The following C20orf202 variants were observed in gnomAD, a reference collection of about 807,000 sequenced individuals.
The protein encoded by C20orf202 is uncharacterized protein C20orf202.
In C20orf202, 5 loss-of-function variants were observed where a neutral mutation model predicts 5.3. The observed-to-expected ratio is 0.94, with a 90% CI of 0.49 to 1.98. The LOEUF (loss-of-function observed/expected upper bound fraction) is 1.98. Among genes scored for constraint, C20orf202 ranks in the 30% most tolerant of loss-of-function variants. C20orf202 has a pLI of 0.01. For missense variants in C20orf202, 135 were observed against 123.5 expected, an observed-to-expected ratio of 1.09 and a Z score of -0.44; for synonymous variants, 48 against 50.0, an observed-to-expected ratio of 0.96 and a Z score of 0.16.
chr20:1,203,497 A>G lies in C20orf202; in HGVS notation c.-89A>G. On this transcript the variant is annotated 5_prime_UTR_variant, in exon 1 of 2. Transcript: ENST00000400633. ...AGTGATTTGGCCAGAACCTGCTGCC[A>G]GTCTGAAAGAGTTGGGGGAATGTAC... is the stretch of plus-strand genomic sequence containing the variant. 6.5e-7 allele frequency: 1 copy of G among 1,528,374 alleles called. No homozygotes were observed. The highest frequency in any genetic ancestry group is 8.8e-7 in the Non-Finnish European group (1 of 1,135,506). The allele number at this position is 1,528,374 out of a possible 1,614,324, so 94.7% of individuals were successfully genotyped here.
chr20:1,203,556 A>C lies in C20orf202; in HGVS notation c.-30A>C. 1.3e-6 allele frequency: 2 copies of C among 1,551,462 alleles called. No homozygotes were observed. Among genetic ancestry groups the C allele is most frequent in the Non-Finnish European group, 1.7e-6 (2 of 1,146,866 alleles). ...GATCCCTCGGGCCCAGAACCAGGTC[A>C]GTGTCAAGGTCACTCCTAAGAACAC... On this transcript the variant is annotated 5_prime_UTR_variant, in exon 1 of 2. Coordinates refer to ENST00000400633, the MANE Select transcript of C20orf202 (RefSeq NM_001394958.1).
rs1429506812 is a variant in C20orf202 at position 1,208,404 on chromosome 20, AG to A, written c.*1303del. 6.6e-6 allele frequency: 1 copy of A among 152,318 alleles called. No individual in the cohort carries two copies. Among genetic ancestry groups the A allele is most frequent in the East Asian group, 1.9e-4 (1 of 5,184 alleles). 9.4% of individuals were successfully genotyped at this position (152,318 alleles called of 1,614,324 possible). A position where few individuals can be genotyped will look rare whatever the true frequency, so the allele number is the denominator to read the frequency against. On this transcript the variant is annotated 3_prime_UTR_variant, in exon 2 of 2. Coordinates refer to ENST00000400633, the MANE Select transcript of C20orf202 (RefSeq NM_001394958.1). ...GGCAGAGTGGAGGGGGTGCATTATA[AG>A]TATAATGTTTGTAGTCAGATCAACC... is the stretch of plus-strand genomic sequence containing the variant.
chr20:1,205,569 A>G (rs2087128099), intron 1 of C20orf202, among the ~76,000 whole-genome samples: 1 of 152,202 alleles, frequency 6.6e-6, no homozygotes, highest in Admixed American at 6.5e-5. Flanking sequence ...GCAAAGAGAG[A>G]CAGAGAAAGA....
chr20:1,203,505 A>G lies in C20orf202; in HGVS notation c.-81A>G. On this transcript the variant is annotated 5_prime_UTR_variant, in exon 1 of 2. Coordinates refer to ENST00000400633, the MANE Select transcript of C20orf202 (RefSeq NM_001394958.1). ...GGCCAGAACCTGCTGCCAGTCTGAAAGAGTTGGGGGAATGTACAAGTCAAA... is the reference window on the plus strand; with the variant it reads ...GGCCAGAACCTGCTGCCAGTCTGAAGGAGTTGGGGGAATGTACAAGTCAAA... The G allele has an allele frequency of 6.5e-7, 1 of 1,535,910 alleles. No homozygotes were observed. The highest frequency in any genetic ancestry group is 8.8e-7 in the Non-Finnish European group (1 of 1,139,576).
At chr20:1,204,011 T>C (rs1460967322) in intron 1 of C20orf202, among the ~76,000 whole-genome samples, 2 of 152,128 alleles carry the variant, frequency 1.3e-5, no homozygotes, top group African/African-American at 4.8e-5. Context: ...ATATGGGGTA[T>C]TGTAAGGATT....
At position 1,208,992 on chromosome 20, in the gene C20orf202, AG is replaced by A. The variant is rs2087144410; in HGVS notation, c.*1891del. 6.6e-6 allele frequency among the ~76,000 whole-genome samples: 1 copy of A among 152,100 alleles called. No homozygotes were observed. Among genetic ancestry groups the A allele is most frequent in the African/African-American group, 2.4e-5 (1 of 41,402 alleles). On this transcript the variant is annotated 3_prime_UTR_variant, in exon 2 of 2. Transcript: ENST00000400633. The stretch of plus-strand genomic sequence containing the variant: ...ATGCTTGCTGCAATTCCTACCTTAA[AG>A]TTCTTTTTATAACCTTTCAGTCACC...
chr20:1,206,244 C>T (rs948454592), intron 1 of C20orf202, among the ~76,000 whole-genome samples: 7 of 152,064 alleles, frequency 4.6e-5, no homozygotes, highest in Admixed American at 3.9e-4. Context: ...CACCAAAAAG[C>T]TTTTGTTTAC....
intron 1 of C20orf202, among the ~76,000 whole-genome samples, chr20:1,204,824 C>G (rs935430005): frequency 6.6e-6 from 1 of 152,234 alleles, no homozygotes; most frequent in Non-Finnish European, 1.5e-5. Context: ...CAGCTTCCCA[C>G]AGTCAGCAGG....
chr20:1,206,626 G>A (rs1200646805), intron 1 of C20orf202, among the ~76,000 whole-genome samples: 1 of 152,202 alleles, frequency 6.6e-6, no homozygotes, highest in Non-Finnish European at 1.5e-5. Context: ...TTTTGACCTC[G>A]CTGACCCCTT....
chr20:1,204,240 A>G (rs2087122445), intron 1 of C20orf202, among the ~76,000 whole-genome samples: 1 of 152,126 alleles, frequency 6.6e-6, no homozygotes, highest in Non-Finnish European at 1.5e-5. Context: ...GCAGAGGCCA[A>G]TGCTATGCCA....
At position 1,203,518 on chromosome 20, in the gene C20orf202, T is replaced by C. The variant is rs767458139; in HGVS notation, c.-68T>C. ...TGCCAGTCTGAAAGAGTTGGGGGAA[T>C]GTACAAGTCAAAGATCCCTCGGGCC... On this transcript the variant is annotated 5_prime_UTR_variant, in exon 1 of 2. An upstream start codon of the reference 5' UTR is lost. Coordinates refer to ENST00000400633, the MANE Select transcript of C20orf202 (RefSeq NM_001394958.1). 1.6e-5 allele frequency: 24 copies of C among 1,546,290 alleles called. No individual in the cohort carries two copies. In the East Asian group the frequency reaches 3.7e-4, roughly 24 times the overall value.
rs1324913549 is a variant in C20orf202 at position 1,207,539 on chromosome 20, T to G, written c.*437T>G. The stretch of plus-strand genomic sequence containing the variant: ...CTGTTTTCTGTCTTCCCAGGAAGCC[T>G]TCCCATTCCCCTTCATCTGATAACA... On this transcript the variant is annotated 3_prime_UTR_variant, in exon 2 of 2. Transcript: ENST00000400633. 5 of 154,092 alleles carry G rather than the reference T, an allele frequency of 3.2e-5. 1 individual carries two copies. The highest frequency in any genetic ancestry group is 7.2e-5 in the Non-Finnish European group (5 of 69,452). The allele number at this position is 154,092 out of a possible 1,614,324, so 9.5% of individuals were successfully genotyped here.
chr20:1,206,962 G>A lies in C20orf202; in HGVS notation c.160G>A (p.Glu54Lys). The A allele has an allele frequency of 6.4e-7, 1 of 1,551,754 alleles. No individual in the cohort carries two copies. Residue 54 changes from glutamate (E) to lysine (K), a missense_variant, in exon 2 of 2, where the codon GAG becomes AAG. Physicochemically the swap from Glu to Lys is moderately conservative, Grantham distance 56. Coordinates refer to ENST00000400633, the MANE Select transcript of C20orf202 (RefSeq NM_001394958.1). Reference protein sequence around the residue: ...EELRADSAHWEDARSSGGTSP... With the variant: ...EELRADSAHWKDARSSGGTSP... ...GCTGCGTGCGGACAGCGCCCACTGG[G>A]AGGACGCCAGGTCCAGCGGAGGGAC...
chr20:1,203,646 G>A lies in C20orf202; in HGVS notation c.61G>A (p.Glu21Lys), dbSNP rs1212682839. Reference sequence around the variant, plus strand: ...GCAGACCTTGGAGTGGCTGAGAAAGGAGCTGGTAAGGTTTTGCATTGCTTT... The same window carrying A: ...GCAGACCTTGGAGTGGCTGAGAAAGAAGCTGGTAAGGTTTTGCATTGCTTT... The part of the protein sequence containing the change: ...LGQTLEWLRK[E>K]LSEMQIQDQS... Residue 21 changes from glutamate to lysine, a missense_variant, in exon 1 of 2, where the codon GAG (glutamate) becomes AAG (lysine). By Grantham distance (56) the Glu-to-Lys change is moderately conservative (BLOSUM62 1). Transcript: ENST00000400633. The A allele has an allele frequency of 3.5e-5, 54 of 1,544,044 alleles. No homozygotes were observed. The highest frequency in any genetic ancestry group is 4.5e-5 in the Non-Finnish European group (52 of 1,145,072).
intron 1 of C20orf202, among the ~76,000 whole-genome samples, chr20:1,204,633 G>T (rs961793496): frequency 6.6e-6 from 1 of 152,226 alleles, no homozygotes; most frequent in African/African-American, 2.4e-5. Context: ...CTCAGAAGAG[G>T]TTTGTTTCTC....
intron 1 of C20orf202, among the ~76,000 whole-genome samples, chr20:1,205,697 T>C (rs2087128699): frequency 6.6e-6 from 1 of 152,108 alleles, no homozygotes; most frequent in Non-Finnish European, 1.5e-5. Context: ...AGGGATAAAG[T>C]GAGGTGGGTG....
At position 1,208,377 on chromosome 20, in the gene C20orf202, G is replaced by C. The variant is rs972482935; in HGVS notation, c.*1275G>C. ...TGAAAAAGTAAATCGATTGCATGTA[G>C]AGGCAGAGTGGAGGGGGTGCATTAT... On this transcript the variant is annotated 3_prime_UTR_variant, in exon 2 of 2. Coordinates refer to ENST00000400633, the MANE Select transcript of C20orf202 (RefSeq NM_001394958.1). The C allele has an allele frequency of 3.9e-5, 6 of 152,178 alleles. No homozygotes were observed. The highest frequency in any genetic ancestry group is 1.4e-4 in the African/African-American group (6 of 41,438). 9.4% of individuals were successfully genotyped at this position (152,178 alleles called of 1,614,324 possible).
Position 1,207,081 on chromosome 20 carries a change from C to G in C20orf202, c.279C>G (p.Ser93Arg), listed in dbSNP as rs542103133. 20 of 1,510,824 alleles carry G rather than the reference C, an allele frequency of 1.3e-5. No homozygotes were observed. The African/African-American group carries it at 2.2e-4, about 17-fold the overall frequency. 93.6% of individuals were successfully genotyped at this position (1,510,824 alleles called of 1,614,324 possible). A position where few individuals can be genotyped will look rare whatever the true frequency, so the allele number is the denominator to read the frequency against. ...GLAQLLRGED[S>R]RRSSLP ...CCCAGCTCCTCCGAGGGGAAGACAG[C>G]AGACGAAGCTCTCTCCCTTAACTGG... Residue 93 changes from serine (S) to arginine (R), a missense_variant, in exon 2 of 2, where the codon AGC (serine) becomes AGG (arginine). Ser to Arg is a moderately radical substitution (Grantham distance 110, BLOSUM62 -1). Coordinates refer to ENST00000400633, the MANE Select transcript of C20orf202 (RefSeq NM_001394958.1).
chr20:1,204,390 G>A (rs894612151), intron 1 of C20orf202, among the ~76,000 whole-genome samples: 2 of 152,182 alleles, frequency 1.3e-5, no homozygotes, highest in African/African-American at 4.8e-5. Context: ...GAGAGAACGA[G>A]AGGAAATTCA....
Sources: gnomAD v4.1 joint callset for allele counts (sites outside exome capture counted in the v4.1 genomes callset) on GRCh38, gnomAD v4.1.1 for gene constraint, MANE v1.5 for transcripts, NCBI Gene and HGNC (gene_info 2026-07-23, HGNC 2026-07-21) for gene names.